ZNF277: variants seen among roughly 807,000 people sequenced by gnomAD.
ZNF277 encodes nuclear receptor-interacting factor 4.
ZNF277 carries 55 observed loss-of-function variants against 60.7 expected under a neutral mutation model. The ratio of observed to expected loss-of-function variants is 0.91; its 90% CI spans 0.73 to 1.13. The LOEUF is 1.13. ZNF277 is among the 50% of genes most tolerant of loss of function. The probability of loss-of-function intolerance (pLI) is 0.00; values close to 1 mark genes in which losing one functional copy is unlikely to be tolerated. For missense variants in ZNF277, 510 were observed against 523.0 expected (o/e 0.98, Z 0.24); for synonymous variants, 178 against 179.3 (o/e 0.99, Z 0.06).
chr7:112,264,645 A>C (rs1005594253), intron 1 of ZNF277, among the ~76,000 whole-genome samples: 2 of 152,186 alleles, frequency 1.3e-5, no homozygotes, highest in Non-Finnish European at 2.9e-5. Context: ...AATTTTAATA[A>C]AAATATATGT....
rs1359899701 is a variant in ZNF277, at chr7:112,342,623, A to G, written c.1247A>G (p.Asp416Gly). 1.2e-6 allele frequency: 2 copies of G among 1,613,300 alleles called. No homozygotes were observed. Among genetic ancestry groups the G allele is most frequent in the African/African-American group, 1.3e-5 (1 of 75,046 alleles). The stretch of plus-strand genomic sequence containing the variant: ...TGTACACTATCTGACAGTGAAAGTG[A>G]CCTGACAGCTCAGGAACAAAATGAA... The part of the protein sequence containing the change: ...LLCTLSDSES[D>G]LTAQEQNENV... Residue 416 changes from aspartate to glycine, a missense_variant, in exon 12 of 12, where the codon GAC (aspartate) becomes GGC (glycine). Transcript: ENST00000361822.
rs889986554 is a variant in ZNF277 at position 112,286,932 on chromosome 7, A to G, written c.151A>G (p.Thr51Ala). The change falls in exon 2 of 12, where the codon ACT becomes GCT. Residue 51 changes from threonine to alanine, a missense_variant. Physicochemically the swap from Thr to Ala is moderately conservative, Grantham distance 58 (BLOSUM62 0). Coordinates refer to ENST00000361822, the MANE Select transcript of ZNF277 (RefSeq NM_021994.3). The stretch of plus-strand genomic sequence containing the variant: ...GCCAGAAAGTCCAGGTGGCACCACC[A>G]CTTTAGAAGGTTCTCCATCTGTGCC... ...SLPESPGGTT[T>A]LEGSPSVPCI... 2 of 1,601,642 alleles carry G rather than the reference A, an allele frequency of 1.2e-6. No individual in the cohort carries two copies. The highest frequency in any genetic ancestry group is 1.7e-6 in the Non-Finnish European group (2 of 1,176,844).
At chr7:112,294,108 T>G (rs1792272213) in intron 2 of ZNF277, among the ~76,000 whole-genome samples, 1 of 152,206 alleles carries the variant, frequency 6.6e-6, no homozygotes, top group South Asian at 2.1e-4. Flanking sequence ...AAAATGTGCT[T>G]GGGGGAGAAT....
chr7:112,260,386 T>C (rs537610280), intron 1 of ZNF277, among the ~76,000 whole-genome samples: 2 of 152,362 alleles, frequency 1.3e-5, no homozygotes, highest in African/African-American at 4.8e-5. Context: ...TTTAAAAATA[T>C]GTCACATATT....
intron 1 of ZNF277, among the ~76,000 whole-genome samples, chr7:112,214,102 A>G (rs1162671604): frequency 6.6e-6 from 1 of 152,242 alleles, no homozygotes; most frequent in African/African-American, 2.4e-5. Flanking sequence ...ACCGAATTAC[A>G]TACACTTATT....
At position 112,224,758 on chromosome 7, in the gene ZNF277, A is replaced by G. The variant is rs1445095454; in HGVS notation, c.91+17951A>G. On this transcript the variant is annotated intron_variant, in intron 1 of 11. Transcript: ENST00000361822. ...GGGTTCAGAGGAACATGACTAAAAT[A>G]TGGTCAATGAGTCTTTGTTCAGTAG... Among the ~76,000 whole-genome samples, 6 of 152,330 alleles carry G rather than the reference A, an allele frequency of 3.9e-5. No homozygotes were observed. The East Asian group carries it at 7.7e-4, about 20-fold the overall frequency.
intron 1 of ZNF277, among the ~76,000 whole-genome samples, chr7:112,274,398 C>A (rs1043056838): frequency 6.6e-6 from 1 of 152,102 alleles, no homozygotes; most frequent in Non-Finnish European, 1.5e-5. Context: ...CTCAAGTGAT[C>A]CTCCTGCATC....
intron 1 of ZNF277, among the ~76,000 whole-genome samples, chr7:112,285,182 A>G (rs1174650497): frequency 2.6e-5 from 4 of 151,868 alleles, no homozygotes; most frequent in Non-Finnish European, 5.9e-5. Context: ...GGTGTGCACC[A>G]CCACGCCCAG....
intron 1 of ZNF277, among the ~76,000 whole-genome samples, chr7:112,282,014 G>A (rs1791956082): frequency 1.3e-5 from 2 of 152,166 alleles, no homozygotes; most frequent in South Asian, 4.2e-4. Flanking sequence ...TGTATTTTCA[G>A]TAGAGACGGG....
chr7:112,246,744 G>C (rs1299635029), intron 1 of ZNF277, among the ~76,000 whole-genome samples: 1 of 152,210 alleles, frequency 6.6e-6, no homozygotes, highest in East Asian at 1.9e-4. Flanking sequence ...TTTCTGTCTT[G>C]TTCTCCTTGG....
chr7:112,292,488 A>G (rs950036992), intron 2 of ZNF277, among the ~76,000 whole-genome samples: 7 of 152,202 alleles, frequency 4.6e-5, no homozygotes, highest in African/African-American at 1.4e-4. Context: ...CTGCCTTGTC[A>G]AAAAGCATTC....
At chr7:112,295,600 C>A (rs1792305336) in intron 2 of ZNF277, among the ~76,000 whole-genome samples, 1 of 152,002 alleles carries the variant, frequency 6.6e-6, no homozygotes, top group Non-Finnish European at 1.5e-5. Flanking sequence ...TTTTAACTTT[C>A]CTATATGTCT....
At chr7:112,248,601 G>A (rs1791135601) in intron 1 of ZNF277, among the ~76,000 whole-genome samples, 1 of 151,820 alleles carries the variant, frequency 6.6e-6, no homozygotes, top group Non-Finnish European at 1.5e-5. Context: ...ACCACCAAGA[G>A]ATAATCACTG....
chr7:112,270,506 T>A (rs1228656303), intron 1 of ZNF277, among the ~76,000 whole-genome samples: 2 of 152,168 alleles, frequency 1.3e-5, no homozygotes, highest in African/African-American at 4.8e-5. Flanking sequence ...ACCACTGTTG[T>A]GCTGGCAAAA....
intron 6 of ZNF277, chr7:112,328,176 C>T (rs1156578938): frequency 6.2e-6 from 1 of 160,324 alleles, no homozygotes; most frequent in Non-Finnish European, 1.4e-5. Flanking sequence ...TCCCCAGAAA[C>T]CACTATTCTT....
At chr7:112,276,701 G>C (rs1422246510) in intron 1 of ZNF277, among the ~76,000 whole-genome samples, 2 of 152,146 alleles carry the variant, frequency 1.3e-5, no homozygotes, top group Admixed American at 6.5e-5. Context: ...CTGTGTTTAT[G>C]TAAAGGTAAC....
At chr7:112,272,134 G>A (rs1163670873) in intron 1 of ZNF277, among the ~76,000 whole-genome samples, 1 of 151,894 alleles carries the variant, frequency 6.6e-6, no homozygotes, top group Non-Finnish European at 1.5e-5. Flanking sequence ...ATCTCCATGA[G>A]CTCAATTGTT....
chr7:112,317,877 C>A (rs898735660), intron 4 of ZNF277, among the ~76,000 whole-genome samples: 1 of 152,002 alleles, frequency 6.6e-6, no homozygotes, highest in Admixed American at 6.6e-5. Flanking sequence ...AAGATCCCAG[C>A]ACAATTTTGG....
At chr7:112,309,627 T>G (rs1003201792) in intron 4 of ZNF277, among the ~76,000 whole-genome samples, 1 of 151,870 alleles carries the variant, frequency 6.6e-6, no homozygotes, top group Non-Finnish European at 1.5e-5. Context: ...ATATACTTAT[T>G]ATATACCCAC....
Sources: gnomAD v4.1 joint callset for allele counts (sites outside exome capture counted in the v4.1 genomes callset) on GRCh38, gnomAD v4.1.1 for gene constraint, MANE v1.5 for transcripts, NCBI Gene and HGNC (gene_info 2026-07-23, HGNC 2026-07-21) for gene names.